Variants in BICC1 observed in about 807,000 individuals in gnomAD.
The protein encoded by BICC1 is BicC family RNA binding protein 1, also known as protein bicaudal C homolog 1.
Under a neutral mutation model 111.0 loss-of-function variants are expected in BICC1, and 43 were observed. The observed-to-expected ratio is 0.39, with a 90% CI of 0.30 to 0.50. BICC1 has a LOEUF of 0.50. Among genes scored for constraint, BICC1 ranks in the 20% least tolerant of loss-of-function variants. The pLI is 0.88. For missense variants in BICC1, 1,091 were observed against 1,203.2 expected (o/e 0.91, Z 1.38); for synonymous variants, 467 against 434.4 (o/e 1.07, Z -0.93).
At chr10:58,617,390 T>C (rs937445401) in intron 1 of BICC1, among the ~76,000 whole-genome samples, 1 of 152,222 alleles carries the variant, frequency 6.6e-6, no homozygotes, top group Non-Finnish European at 1.5e-5. Flanking sequence ...TACAAGTCCC[T>C]TAGCAGCAGA....
At chr10:58,584,746 C>G (rs1844383102) in intron 1 of BICC1, among the ~76,000 whole-genome samples, 1 of 150,152 alleles carries the variant, frequency 6.7e-6, no homozygotes, top group Non-Finnish European at 1.5e-5. Flanking sequence ...TAGGAAACAC[C>G]TGGGTAAATT....
intron 6 of BICC1, among the ~76,000 whole-genome samples, chr10:58,788,702 A>G (rs1239889470): frequency 6.6e-6 from 1 of 152,118 alleles, no homozygotes; most frequent in Non-Finnish European, 1.5e-5. Flanking sequence ...TCTAGTTTTT[A>G]TTCAATGATC....
chr10:58,644,482 A>G (rs919356056), intron 2 of BICC1, among the ~76,000 whole-genome samples: 1 of 151,788 alleles, frequency 6.6e-6, no homozygotes, highest in African/African-American at 2.4e-5. Flanking sequence ...CAGAAACAGA[A>G]CTCCACCCGT....
chr10:58,705,179 A>G (rs1840353586), intron 3 of BICC1, among the ~76,000 whole-genome samples: 1 of 152,198 alleles, frequency 6.6e-6, no homozygotes, highest in Admixed American at 6.5e-5. Flanking sequence ...GGGAGCTGCT[A>G]TATTTAACAA....
intron 6 of BICC1, among the ~76,000 whole-genome samples, chr10:58,788,758 ACT>A (rs1464894909): frequency 6.6e-6 from 1 of 152,148 alleles, no homozygotes; most frequent in Non-Finnish European, 1.5e-5. Flanking sequence ...TGAGTTAGAA[ACT>A]CTCAGGTTTC....
chr10:58,540,304 T>C (rs1331608987), intron 1 of BICC1, among the ~76,000 whole-genome samples: 1 of 142,710 alleles, frequency 7.0e-6, no homozygotes, highest in East Asian at 2.1e-4. Flanking sequence ...AGAAAAAGAG[T>C]AAAAAAAAAA....
At chr10:58,670,519 G>C (rs1021111290) in intron 2 of BICC1, among the ~76,000 whole-genome samples, 1 of 152,148 alleles carries the variant, frequency 6.6e-6, no homozygotes, top group Non-Finnish European at 1.5e-5. Context: ...ATGTGAAGAA[G>C]AGAATACTGG....
At chr10:58,697,622 G>C (rs1424663670) in intron 2 of BICC1, among the ~76,000 whole-genome samples, 2 of 152,134 alleles carry the variant, frequency 1.3e-5, no homozygotes, top group Non-Finnish European at 2.9e-5. Flanking sequence ...CTGCCTTGAT[G>C]AACATTTAGG....
chr10:58,679,107 A>C (rs1032112017), intron 2 of BICC1, among the ~76,000 whole-genome samples: 4 of 152,220 alleles, frequency 2.6e-5, no homozygotes, highest in African/African-American at 9.6e-5. Flanking sequence ...TTGACACCCT[A>C]ACATCACAAT....
intron 1 of BICC1, among the ~76,000 whole-genome samples, chr10:58,602,277 G>A (rs1446470624): frequency 6.6e-6 from 1 of 152,132 alleles, no homozygotes; most frequent in African/African-American, 2.4e-5. Context: ...CTGGGAATAA[G>A]AATAAAGTTA....
chr10:58,631,318 T>TA (rs1444705503), intron 2 of BICC1, among the ~76,000 whole-genome samples: 1 of 152,214 alleles, frequency 6.6e-6, no homozygotes, highest in Non-Finnish European at 1.5e-5. Context: ...TTAAATATCC[T>TA]AGTGTTACTC....
intron 2 of BICC1, among the ~76,000 whole-genome samples, chr10:58,665,041 G>A (rs1838966282): frequency 6.6e-6 from 1 of 152,142 alleles, no homozygotes. Context: ...GCTCTGTACA[G>A]CTGTGCCACA....
chr10:58,633,121 T>C (rs1256751590), intron 2 of BICC1, among the ~76,000 whole-genome samples: 1 of 152,146 alleles, frequency 6.6e-6, no homozygotes, highest in Admixed American at 6.5e-5. Context: ...ACTTTTCTTG[T>C]GATAGTGAAT....
rs760160738 is a variant in BICC1 at position 58,807,142 on chromosome 10, T to C, written c.2360T>C (p.Met787Thr). Residue 787 changes from methionine (M) to threonine (T), a missense_variant, in exon 17 of 21, where the codon ATG becomes ACG. Physicochemically the swap from Met to Thr is moderately conservative, Grantham distance 81. Transcript: ENST00000373886. ...RANHVSYKPTMTTTYEGSSMS... is the reference protein window; with the variant it reads ...RANHVSYKPTTTTTYEGSSMS... ...AATCATGTGTCCTATAAGCCCACAA[T>C]GACAACCACTTATGAGGTTTGTAGA... is the stretch of plus-strand genomic sequence containing the variant. The C allele has an allele frequency of 6.2e-7, 1 of 1,613,660 alleles. No homozygotes were observed.
chr10:58,646,293 A>G (rs1466934157), intron 2 of BICC1, among the ~76,000 whole-genome samples: 1 of 152,220 alleles, frequency 6.6e-6, no homozygotes, highest in Admixed American at 6.5e-5. Context: ...AAGTGCTAAT[A>G]AATATAATTT....
rs1844132528 is a variant in BICC1, at chr10:58,817,566, A to T, written c.2538A>T (p.Glu846Asp). The change falls in exon 19 of 21, where the codon GAA becomes GAT. Residue 846 changes from glutamate to aspartate, a missense_variant. Coordinates refer to ENST00000373886, the MANE Select transcript of BICC1 (RefSeq NM_001080512.3). ...TGTCTCTCCTTTGCCTTTCAGCGGAACACTATCTCAGCAGTAGCAATTACA... is the reference window on the plus strand; with the variant it reads ...TGTCTCTCCTTTGCCTTTCAGCGGATCACTATCTCAGCAGTAGCAATTACA... ...SPKRKQNKST[E>D]HYLSSSNYMD... 3 of 1,613,340 alleles carry T rather than the reference A, an allele frequency of 1.9e-6. No individual in the cohort carries two copies. The highest frequency in any genetic ancestry group is 1.3e-5 in the African/African-American group (1 of 74,870).
At chr10:58,522,951 T>G (rs1164371146) in intron 1 of BICC1, among the ~76,000 whole-genome samples, 1 of 152,146 alleles carries the variant, frequency 6.6e-6, no homozygotes, top group Non-Finnish European at 1.5e-5. Flanking sequence ...CTAGAAAATC[T>G]AGAAGAAATG....
intron 3 of BICC1, among the ~76,000 whole-genome samples, chr10:58,723,969 A>G (rs1283444244): frequency 6.6e-6 from 1 of 152,246 alleles, no homozygotes. Flanking sequence ...TTAATGAATT[A>G]CAACCAAGTA....
intron 3 of BICC1, among the ~76,000 whole-genome samples, chr10:58,708,347 A>G (rs1178175145): frequency 6.6e-6 from 1 of 152,228 alleles, no homozygotes; most frequent in Non-Finnish European, 1.5e-5. Context: ...TGATATTTCA[A>G]TACAAGTATA....
Sources: gnomAD v4.1 joint callset for allele counts (sites outside exome capture counted in the v4.1 genomes callset) on GRCh38, gnomAD v4.1.1 for gene constraint, MANE v1.5 for transcripts, NCBI Gene and HGNC (gene_info 2026-07-23, HGNC 2026-07-21) for gene names.